Variants in LEPR observed in about 807,000 individuals in gnomAD.
LEPR encodes the protein leptin receptor.
LEPR carries 56 observed loss-of-function variants against 114.7 expected under a neutral mutation model. That is an observed-to-expected ratio of 0.49 (90% CI 0.39 to 0.61). LEPR has a LOEUF of 0.61. LEPR is among the 20% of genes least tolerant of loss of function. LEPR has a pLI of 0.00. For synonymous variants in LEPR, 443 were observed against 461.4 expected, an observed-to-expected ratio of 0.96 and a Z score of 0.51; for missense variants, 1,202 against 1,352.9, an observed-to-expected ratio of 0.89 and a Z score of 1.75.
At chr1:65,430,152 A>C in intron 2 of LEPR, 1 of 1,023,960 alleles carries the variant, frequency 9.8e-7, no homozygotes, top group Non-Finnish European at 1.3e-6. Flanking sequence ...CTTTATACTC[A>C]AGGCCGTGTG....
intron 2 of LEPR, among the ~76,000 whole-genome samples, chr1:65,538,560 T>C (rs567033657): frequency 6.6e-6 from 1 of 152,330 alleles, no homozygotes; most frequent in Admixed American, 6.5e-5. Context: ...TAAAAGTATA[T>C]TTGTTTCTCT....
intron 2 of LEPR, chr1:65,435,020 G>T (rs1381042749): frequency 3.0e-6 from 3 of 985,294 alleles, no homozygotes; most frequent in African/African-American, 3.5e-5. Context: ...TTTAGAGAAT[G>T]CCTCATAACC....
At chr1:65,585,359 C>CATAGAATTTGCTTGGAGAAGCTTTA (rs1655245198) in intron 5 of LEPR, among the ~76,000 whole-genome samples, 1 of 151,988 alleles carries the variant, frequency 6.6e-6, no homozygotes, top group African/African-American at 2.4e-5. Context: ...AATAATTTAG[C>CATAGAATTTGCTTGGAGAAGCTTTA]ATAGAATTTG....
intron 6 of LEPR, 131 bp downstream of exon 6, chr1:65,592,996 C>A: frequency 2.0e-6 from 2 of 990,868 alleles, no homozygotes; most frequent in Non-Finnish European, 3.0e-6. Context: ...AGATGTAGTA[C>A]TGGGGGTATT....
At chr1:65,454,737 T>C (rs1283672995) in intron 2 of LEPR, among the ~76,000 whole-genome samples, 1 of 152,156 alleles carries the variant, frequency 6.6e-6, no homozygotes, top group Non-Finnish European at 1.5e-5. Context: ...ATTTCAACTT[T>C]GGTGAATCTG....
chr1:65,489,169 A>G lies in LEPR; in HGVS notation c.-21+63791A>G, dbSNP rs562611496. Among the ~76,000 whole-genome samples, 76 of 152,266 alleles carry G rather than the reference A, an allele frequency of 5.0e-4. 1 individual carries two copies. In the Middle Eastern group the frequency reaches 0.014, roughly 27 times the overall value. On this transcript the variant is annotated intron_variant, in intron 2 of 19. Transcript: ENST00000349533. ...GATTGCTAGATCATGTAGTAGTTCT[A>G]TAGTTTTCCAAGGAACTTTCATATT...
chr1:65,516,295 T>G (rs1233915448), intron 2 of LEPR, among the ~76,000 whole-genome samples: 1 of 152,062 alleles, frequency 6.6e-6, no homozygotes, highest in Non-Finnish European at 1.5e-5. Flanking sequence ...ATTAGCCGGA[T>G]TAGCCCGGCG....
chr1:65,507,501 A>ATATATATATACATATATATGTG (rs756629439), intron 2 of LEPR, among the ~76,000 whole-genome samples: 27 of 127,684 alleles, frequency 2.1e-4, no homozygotes, highest in African/African-American at 9.9e-4. Flanking sequence ...ATGTGTGTGT[A>ATATATATATACATATATATGTG]TATATATATA....
intron 19 of LEPR, among the ~76,000 whole-genome samples, chr1:65,626,931 C>T (rs1476289392): frequency 6.6e-6 from 1 of 152,152 alleles, no homozygotes; most frequent in Non-Finnish European, 1.5e-5. Flanking sequence ...CCACCACACC[C>T]TGCCTAAAAT....
intron 2 of LEPR, among the ~76,000 whole-genome samples, chr1:65,522,538 A>C (rs1390220616): frequency 6.6e-6 from 1 of 152,234 alleles, no homozygotes; most frequent in Non-Finnish European, 1.5e-5. Flanking sequence ...GTCAAAGAGA[A>C]AACAGTTGAG....
intron 19 of LEPR, chr1:65,634,017 G>A: frequency 1.0e-6 from 1 of 985,302 alleles, no homozygotes; most frequent in Non-Finnish European, 1.2e-6. Flanking sequence ...GGCAGGCAGG[G>A]AAATGGGCAG....
intron 5 of LEPR, among the ~76,000 whole-genome samples, chr1:65,581,587 T>C (rs1654994105): frequency 6.6e-6 from 1 of 152,168 alleles, no homozygotes; most frequent in African/African-American, 2.4e-5. Context: ...TTAGATATGA[T>C]AAAAGCCTGC....
At chr1:65,634,868 A>G (rs537463448) in intron 19 of LEPR, 1 of 873,486 alleles carries the variant, frequency 1.1e-6, no homozygotes, top group Non-Finnish European at 1.4e-6. Flanking sequence ...AAAACCATAG[A>G]TTTCTTTCAG....
At chr1:65,626,337 T>G in intron 19 of LEPR, 1 of 1,319,964 alleles carries the variant, frequency 7.6e-7, no homozygotes, top group Non-Finnish European at 9.7e-7. Flanking sequence ...ATTTTTATAA[T>G]ACAGTGGGTG....
chr1:65,608,304 C>T (rs1036034600), intron 11 of LEPR, among the ~76,000 whole-genome samples: 2 of 151,536 alleles, frequency 1.3e-5, no homozygotes, highest in African/African-American at 4.9e-5. Flanking sequence ...AATCTCGGCT[C>T]ACTGCAAGCT....
At chr1:65,617,442 T>C (rs1657597303) in intron 15 of LEPR, among the ~76,000 whole-genome samples, 1 of 152,188 alleles carries the variant, frequency 6.6e-6, no homozygotes, top group South Asian at 2.1e-4. Context: ...CAAAAGTCTA[T>C]GGCACAGGAT....
intron 2 of LEPR, among the ~76,000 whole-genome samples, chr1:65,451,208 T>C (rs973095398): frequency 6.6e-6 from 1 of 151,986 alleles, no homozygotes; most frequent in African/African-American, 2.4e-5. Flanking sequence ...TTGCGAAAAT[T>C]TTCTCTCATT....
Position 65,586,617 on chromosome 1 carries a change from C to CT in LEPR, c.495-6028dup, listed in dbSNP as rs879630274. 9.4e-4 allele frequency among the ~76,000 whole-genome samples: 136 copies of CT among 144,298 alleles called. 1 individual carries two copies. The highest frequency in any genetic ancestry group is 7.3e-3 in the Middle Eastern group (2 of 274). 94.7% of individuals were successfully genotyped at this position (144,298 alleles called of 152,430 possible). A position where few individuals can be genotyped will look rare whatever the true frequency, so the allele number is the denominator to read the frequency against. Reference sequence around the variant, plus strand: ...TGAATTTCATGTATCATGAAACAGTCTTTTTTTTTTTTAATTGAAAATGTA... The same window carrying CT: ...TGAATTTCATGTATCATGAAACAGTCTTTTTTTTTTTTTAATTGAAAATGTA... On this transcript the variant is annotated intron_variant, in intron 5 of 19. Coordinates refer to ENST00000349533, the MANE Select transcript of LEPR (RefSeq NM_002303.6).
intron 5 of LEPR, among the ~76,000 whole-genome samples, chr1:65,581,863 A>G (rs1475794373): frequency 1.3e-5 from 2 of 152,348 alleles, no homozygotes. Flanking sequence ...CCACATAACT[A>G]CAGATGGTAA....
Sources: allele counts gnomAD v4.1 joint callset (sites outside exome capture counted in the v4.1 genomes callset), GRCh38; gene constraint gnomAD v4.1.1; transcripts MANE v1.5; gene names NCBI Gene and HGNC (gene_info 2026-07-23, HGNC 2026-07-21).